ATP7B: variants seen among roughly 807,000 people sequenced by gnomAD.
The protein encoded by ATP7B is ATPase copper transporting beta.
ATP7B carries 113 observed loss-of-function variants against 118.9 expected under a neutral mutation model. That is an observed-to-expected ratio of 0.95 (90% confidence interval 0.82 to 1.11). The LOEUF is 1.11. Ranked by LOEUF, ATP7B falls within the 50% of genes most tolerant of loss-of-function variation. The pLI is 0.00. For synonymous variants in ATP7B, 777 were observed against 727.4 expected (o/e 1.07, Z -1.10); for missense variants, 1,867 against 1,871.4 (o/e 1.00, Z 0.04).
At chr13:51,967,287 C>G in intron 4 of ATP7B, 1 of 715,234 alleles carries the variant, frequency 1.4e-6, no homozygotes, top group Non-Finnish European at 2.4e-6. Context: ...ATTTTACATG[C>G]AGTTATTTCA....
In ATP7B at chr13:51,934,432, T is replaced by A; in HGVS notation, c.*324A>T. ...GAAACTGTTCTCCATTTCACAGCAG[T>A]CATCCTAAATACTCCAAGCAGAGGT... On this transcript the variant is annotated 3_prime_UTR_variant, in exon 21 of 21. Coordinates refer to ENST00000242839, the MANE Select transcript of ATP7B (RefSeq NM_000053.4). 2.5e-6 allele frequency: 1 copy of A among 404,760 alleles called. No homozygotes were observed. The highest frequency in any genetic ancestry group is 2.3e-5 in the South Asian group (1 of 43,820). The allele number at this position is 404,760 out of a possible 1,614,324, so 25.1% of individuals were successfully genotyped here.
intron 1 of ATP7B, chr13:51,995,377 C>T (rs1013014014): frequency 7.4e-5 from 73 of 981,620 alleles, no homozygotes; most frequent in East Asian, 6.8e-4. Context: ...CTTCCTCTGA[C>T]GGTGGAGTGC....
chr13:51,941,307 A>T (rs1421708910), intron 15 of ATP7B, 83 bp from the exon 16 acceptor site: 1 of 1,537,746 alleles, frequency 6.5e-7, no homozygotes, highest in African/African-American at 1.4e-5. Context: ...TAACAGCAAA[A>T]TATCCTTTTA....
chr13:51,967,219 C>T (rs1951596924), intron 4 of ATP7B: 12 of 1,074,684 alleles, frequency 1.1e-5, no homozygotes, highest in Non-Finnish European at 1.7e-5. Context: ...GAGCAAATCT[C>T]CATACTGTTT....
chr13:51,939,302 C>T, intron 16 of ATP7B, 109 bp from the exon 17 acceptor site: 2 of 1,504,246 alleles, frequency 1.3e-6, no homozygotes, highest in Non-Finnish European at 9.0e-7. Flanking sequence ...AAAAACAAAA[C>T]ATCAAATTAT....
intron 1 of ATP7B, among the ~76,000 whole-genome samples, chr13:52,007,125 T>C (rs1273609973): frequency 6.6e-6 from 1 of 152,176 alleles, no homozygotes; most frequent in South Asian, 2.1e-4. Flanking sequence ...AATCCATTCA[T>C]TCAAGAACAA....
intron 1 of ATP7B, chr13:51,995,178 T>G: frequency 2.0e-6 from 1 of 506,806 alleles, no homozygotes; most frequent in South Asian, 8.6e-5. Context: ...TCCTGCCAGG[T>G]GCTACATTCA....
At chr13:51,972,686 T>C (rs147141673) in intron 2 of ATP7B, among the ~76,000 whole-genome samples, 53 of 152,278 alleles carry the variant, frequency 3.5e-4, no homozygotes, top group African/African-American at 1.1e-3. Context: ...TAATCTGACT[T>C]CGTGCTTCCT....
intron 1 of ATP7B, among the ~76,000 whole-genome samples, chr13:52,005,685 C>G (rs1484563999): frequency 6.6e-6 from 1 of 152,176 alleles, no homozygotes; most frequent in Non-Finnish European, 1.5e-5. Context: ...TAGGCTTTTT[C>G]CAGCATGTAC....
intron 2 of ATP7B, among the ~76,000 whole-genome samples, chr13:51,973,665 T>C (rs1951949799): frequency 6.6e-6 from 1 of 152,236 alleles, no homozygotes; most frequent in African/African-American, 2.4e-5. Context: ...CATATCTTTA[T>C]AAATTACCCA....
intron 2 of ATP7B, among the ~76,000 whole-genome samples, chr13:51,971,249 C>A (rs1183477310): frequency 1.3e-5 from 2 of 152,150 alleles, no homozygotes; most frequent in Non-Finnish European, 2.9e-5. Flanking sequence ...AAATTTGATT[C>A]TCAGACAAAC....
At chr13:51,949,920 T>G (rs1459829849) in intron 11 of ATP7B, 87 bp downstream of exon 11, 4 of 1,610,204 alleles carry the variant, frequency 2.5e-6, no homozygotes, top group Non-Finnish European at 8.5e-7. Context: ...CAATCTCTAC[T>G]CAATAAAACT....
chr13:51,972,537 C>T lies in ATP7B; in HGVS notation c.1285+1398G>A, dbSNP rs757753388. 8.8e-4 allele frequency among the ~76,000 whole-genome samples: 134 copies of T among 152,292 alleles called. 1 individual carries two copies. The highest frequency in any genetic ancestry group is 3.4e-3 in the Middle Eastern group (1 of 294). On this transcript the variant is annotated intron_variant, in intron 2 of 20. Coordinates refer to ENST00000242839, the MANE Select transcript of ATP7B (RefSeq NM_000053.4). ...CTCCATGGCCCTCCCCATCACACACCCCTCTTGGTGACCCCAAGCTTGGTG... is the reference window on the plus strand; with the variant it reads ...CTCCATGGCCCTCCCCATCACACACTCCTCTTGGTGACCCCAAGCTTGGTG...
chr13:51,939,706 G>C (rs755978808), intron 16 of ATP7B, among the ~76,000 whole-genome samples: 1 of 152,180 alleles, frequency 6.6e-6, no homozygotes, highest in African/African-American at 2.4e-5. Flanking sequence ...GTGTGAATGA[G>C]AACAGAGTAA....
chr13:51,976,586 T>C (rs1182995830), intron 1 of ATP7B, among the ~76,000 whole-genome samples: 1 of 152,226 alleles, frequency 6.6e-6, no homozygotes, highest in East Asian at 1.9e-4. Context: ...TGAGTCATCA[T>C]TGTGACTTCA....
At chr13:51,946,260 G>C in intron 13 of ATP7B, 24 bp downstream of exon 13, 1 of 1,557,942 alleles carries the variant, frequency 6.4e-7, no homozygotes, top group Non-Finnish European at 8.7e-7. Flanking sequence ...TCTCAGGATG[G>C]GGAAAGCCGT....
chr13:51,975,611 T>A lies in ATP7B; in HGVS notation c.52-443A>T, dbSNP rs762587286. The A allele has an allele frequency of 6.0e-6, 3 of 502,824 alleles. No individual in the cohort carries two copies. The Admixed American group carries it at 6.1e-5, about 10-fold the overall frequency. The allele number at this position is 502,824 out of a possible 1,614,324, so 31.1% of individuals were successfully genotyped here. ...GTCCTTTCAGCTCAAACTTTGGGGG[T>A]CCTGCTGAAATACAAACCCCAGAAT... On this transcript the variant is annotated intron_variant, in intron 1 of 20. Coordinates refer to ENST00000242839, the MANE Select transcript of ATP7B (RefSeq NM_000053.4).
At chr13:52,007,604 C>T (rs114944252) in intron 1 of ATP7B, among the ~76,000 whole-genome samples, 217 of 152,268 alleles carry the variant, frequency 1.4e-3, no homozygotes, top group African/African-American at 4.7e-3. Context: ...TAACTGGGTG[C>T]CCTACAATTC....
chr13:52,006,810 C>T (rs1953793240), intron 1 of ATP7B, among the ~76,000 whole-genome samples: 1 of 152,176 alleles, frequency 6.6e-6, no homozygotes, highest in Non-Finnish European at 1.5e-5. Context: ...ATGCCCTTCT[C>T]TCCATGCTCC....
Sources: allele counts gnomAD v4.1 joint callset (sites outside exome capture counted in the v4.1 genomes callset), GRCh38; gene constraint gnomAD v4.1.1; transcripts MANE v1.5; gene names NCBI Gene and HGNC (gene_info 2026-07-23, HGNC 2026-07-21).